CAST: variants seen among roughly 807,000 people sequenced by gnomAD.
CAST encodes the protein MIR583 host.
CAST carries 76 observed loss-of-function variants against 119.6 expected under a neutral mutation model. The ratio of observed to expected loss-of-function variants is 0.64; its 90% CI spans 0.53 to 0.77. The LOEUF is 0.77. Among genes scored for constraint, CAST ranks in the 30% least tolerant of loss-of-function variants. CAST has a pLI of 0.00. For synonymous variants in CAST, 319 were observed against 331.6 expected (o/e 0.96, Z 0.41); for missense variants, 953 against 946.5 (o/e 1.01, Z -0.09).
At chr5:96,403,628 TAAGGGTATGGA>T in the CAST span, among the ~76,000 whole-genome samples, 1 of 152,092 alleles carries the variant, frequency 6.6e-6, no homozygotes, top group African/African-American at 2.4e-5. Flanking sequence ...TTACAGAAAA[TAAGGGTATGGA>T]ATTAAACACC....
the CAST span, chr5:96,433,036 G>T: frequency 3.7e-6 from 6 of 1,613,758 alleles, no homozygotes; most frequent in Middle Eastern, 3.3e-4. Flanking sequence ...CAGGCTCTTC[G>T]CTCCATAGCT....
chr5:96,501,768 A>T, the CAST span, among the ~76,000 whole-genome samples: 3 of 152,274 alleles, frequency 2.0e-5, no homozygotes, highest in Non-Finnish European at 4.4e-5. Flanking sequence ...GCCACATAAC[A>T]GTTCAGTCAA....
chr5:96,043,042 GAA>G, the CAST span, among the ~76,000 whole-genome samples: 1 of 151,758 alleles, frequency 6.6e-6, no homozygotes, highest in Admixed American at 6.6e-5. Context: ...AAATTAAAAT[GAA>G]AAAAAGTCTT....
chr5:96,563,782 T>C (rs1746424513), intron 1 of CAST, among the ~76,000 whole-genome samples: 1 of 152,200 alleles, frequency 6.6e-6, no homozygotes, highest in Non-Finnish European at 1.5e-5. Context: ...GCAAACAGCC[T>C]CCTCCAACGA....
At chr5:96,051,826 T>C in the CAST span, among the ~76,000 whole-genome samples, 2 of 152,200 alleles carry the variant, frequency 1.3e-5, no homozygotes, top group African/African-American at 4.8e-5. Context: ...TATATTATAG[T>C]TAATTAATTC....
the CAST span, among the ~76,000 whole-genome samples, chr5:96,280,729 A>T: frequency 6.6e-6 from 1 of 152,228 alleles, no homozygotes; most frequent in Non-Finnish European, 1.5e-5. Flanking sequence ...AAATACCAGT[A>T]GAACAGAACA....
At chr5:96,246,469 C>T in the CAST span, among the ~76,000 whole-genome samples, 5 of 152,128 alleles carry the variant, frequency 3.3e-5, no homozygotes, top group Non-Finnish European at 7.4e-5. Flanking sequence ...CAGGCGTGAG[C>T]CAAAGCGGAA....
At chr5:96,347,122 T>C in the CAST span, among the ~76,000 whole-genome samples, 9 of 152,224 alleles carry the variant, frequency 5.9e-5, no homozygotes, top group African/African-American at 2.2e-4. Flanking sequence ...TGAATATCCG[T>C]GACTATTCTT....
chr5:96,521,102 T>A (rs1257090988), upstream of CAST, among the ~76,000 whole-genome samples: 2 of 152,172 alleles, frequency 1.3e-5, no homozygotes, highest in African/African-American at 4.8e-5. Flanking sequence ...TACCCCAGCA[T>A]GTTATGTTTG....
the CAST span, among the ~76,000 whole-genome samples, chr5:96,467,118 A>C: frequency 6.6e-6 from 1 of 151,986 alleles, no homozygotes; most frequent in South Asian, 2.1e-4. Flanking sequence ...CACAAGAGCT[A>C]TTTTCATACC....
At chr5:96,561,800 T>G (rs1237045771) in intron 1 of CAST, among the ~76,000 whole-genome samples, 4 of 98,920 alleles carry the variant, frequency 4.0e-5, no homozygotes, top group Non-Finnish European at 8.5e-5. Context: ...TTTTTTGTTT[T>G]TTTTTTTTTT....
intron 1 of CAST, among the ~76,000 whole-genome samples, chr5:96,551,745 C>G (rs937546940): frequency 1.3e-5 from 2 of 151,604 alleles, no homozygotes; most frequent in African/African-American, 4.8e-5. Context: ...AAATAGAAAG[C>G]AAGAAAAAGC....
the CAST span, among the ~76,000 whole-genome samples, chr5:96,037,328 C>G: frequency 1.3e-5 from 2 of 152,070 alleles, no homozygotes; most frequent in African/African-American, 4.8e-5. Context: ...AAATTCTGTT[C>G]AAAAGTCTAC....
At chr5:96,577,320 T>C (rs191324341) in intron 1 of CAST, among the ~76,000 whole-genome samples, 48 of 152,276 alleles carry the variant, frequency 3.2e-4, no homozygotes, top group African/African-American at 1.1e-3. Context: ...TTTATTAATT[T>C]TTTTAAGAAT....
the CAST span, among the ~76,000 whole-genome samples, chr5:96,264,242 AC>A: frequency 2.0e-5 from 3 of 152,192 alleles, no homozygotes; most frequent in Admixed American, 6.5e-5. Flanking sequence ...TTCACCTGCA[AC>A]TTTTCTCATA....
chr5:96,217,084 G>T, the CAST span, among the ~76,000 whole-genome samples: 1 of 151,944 alleles, frequency 6.6e-6, no homozygotes, highest in Non-Finnish European at 1.5e-5. Flanking sequence ...AGTTGCCCAA[G>T]GTGGAGTGCA....
chr5:96,172,039 C>T, the CAST span, among the ~76,000 whole-genome samples: 1 of 152,092 alleles, frequency 6.6e-6, no homozygotes, highest in African/African-American at 2.4e-5. Context: ...TTTTTAATCA[C>T]CTGGGTGCAG....
chr5:96,127,225 A>G, the CAST span, among the ~76,000 whole-genome samples: 1 of 152,092 alleles, frequency 6.6e-6, no homozygotes, highest in Non-Finnish European at 1.5e-5. Flanking sequence ...GGAGATTATT[A>G]GATGCATCAT....
chr5:96,014,902 C>T, the CAST span, among the ~76,000 whole-genome samples: 15 of 152,074 alleles, frequency 9.9e-5, no homozygotes, highest in South Asian at 2.1e-4. Context: ...GCCATCTAGT[C>T]GACTTTCCAG....
Sources: allele counts gnomAD v4.1 joint callset (sites outside exome capture counted in the v4.1 genomes callset), GRCh38; gene constraint gnomAD v4.1.1; transcripts MANE v1.5; gene names NCBI Gene and HGNC (gene_info 2026-07-23, HGNC 2026-07-21).